The following LRP1B variants were observed in gnomAD, a reference collection of about 807,000 sequenced individuals.
The protein encoded by LRP1B is LDL receptor related protein 1B, also known as low-density lipoprotein receptor-related protein 1B.
Under a neutral mutation model 556.6 loss-of-function variants are expected in LRP1B, and 217 were observed. The ratio of observed to expected loss-of-function variants is 0.39; its 90% CI spans 0.35 to 0.44. LRP1B has a LOEUF of 0.44. Among genes scored for constraint, LRP1B ranks in the 20% least tolerant of loss-of-function variants. The pLI, the probability that LRP1B is intolerant of heterozygous loss-of-function variation, is 1.00. For missense variants in LRP1B, 5,053 were observed against 5,620.8 expected (o/e 0.90, Z 3.23); for synonymous variants, 2,047 against 1,865.8 (o/e 1.10, Z -2.50).
intron 7 of LRP1B, among the ~76,000 whole-genome samples, chr2:141,072,416 A>C (rs1486501474): frequency 6.6e-6 from 1 of 152,058 alleles, no homozygotes; most frequent in African/African-American, 2.4e-5. Context: ...AATTAATCCA[A>C]AACTTTATTC....
intron 6 of LRP1B, among the ~76,000 whole-genome samples, chr2:141,209,717 T>A (rs1390292597): frequency 6.6e-6 from 1 of 152,036 alleles, no homozygotes; most frequent in Non-Finnish European, 1.5e-5. Flanking sequence ...TATAAAAGGA[T>A]GAAGGTACAT....
intron 32 of LRP1B, among the ~76,000 whole-genome samples, chr2:140,795,893 T>A (rs931381477): frequency 6.6e-6 from 1 of 152,126 alleles, no homozygotes; most frequent in Non-Finnish European, 1.5e-5. Flanking sequence ...TTTATTCTTA[T>A]ATTCTTACTC....
At chr2:141,019,821 A>G in intron 12 of LRP1B, 101 bp downstream of exon 12, 1 of 846,318 alleles carries the variant, frequency 1.2e-6, no homozygotes, top group Non-Finnish European at 1.7e-6. Context: ...GTGGAAAATC[A>G]GCTATACATA....
intron 7 of LRP1B, among the ~76,000 whole-genome samples, chr2:141,114,805 C>T (rs916635214): frequency 3.9e-5 from 6 of 151,958 alleles, no homozygotes; most frequent in Middle Eastern, 3.4e-3. Context: ...GAGGAAAATT[C>T]GTAATTAAGT....
chr2:140,827,522 G>A (rs909164761), intron 31 of LRP1B, among the ~76,000 whole-genome samples: 33 of 151,622 alleles, frequency 2.2e-4, no homozygotes, highest in African/African-American at 7.5e-4. Context: ...TCAAGCAGAA[G>A]AAAATAAGTA....
chr2:140,695,876 G>A (rs1002805299), intron 41 of LRP1B, among the ~76,000 whole-genome samples: 1 of 152,072 alleles, frequency 6.6e-6, no homozygotes, highest in Non-Finnish European at 1.5e-5. Flanking sequence ...GTATTTTATG[G>A]CTATTGTCAT....
intron 29 of LRP1B, among the ~76,000 whole-genome samples, chr2:140,844,033 T>C (rs1055069175): frequency 1.6e-4 from 25 of 152,122 alleles, no homozygotes; most frequent in African/African-American, 5.6e-4. Context: ...GAGTATGTAT[T>C]TAAATACGTA....
At chr2:141,051,673 G>C (rs1048963957) in intron 10 of LRP1B, among the ~76,000 whole-genome samples, 2 of 152,060 alleles carry the variant, frequency 1.3e-5, no homozygotes, top group Non-Finnish European at 2.9e-5. Context: ...CCGATATCTT[G>C]ATTGTTGTGT....
intron 7 of LRP1B, among the ~76,000 whole-genome samples, chr2:141,092,969 A>G (rs1300987805): frequency 6.6e-6 from 1 of 152,134 alleles, no homozygotes; most frequent in African/African-American, 2.4e-5. Context: ...TAGTCTGTGT[A>G]ATGAATATTT....
intron 2 of LRP1B, among the ~76,000 whole-genome samples, chr2:141,698,116 T>G (rs553376407): frequency 6.6e-6 from 1 of 152,018 alleles, no homozygotes; most frequent in African/African-American, 2.4e-5. Flanking sequence ...GCATTCTTAC[T>G]TTGTGCTTAC....
intron 2 of LRP1B, among the ~76,000 whole-genome samples, chr2:141,657,533 G>T (rs1690057904): frequency 6.6e-6 from 1 of 152,092 alleles, no homozygotes; most frequent in Non-Finnish European, 1.5e-5. Context: ...CCTCTGTTGA[G>T]TTCACACTAT....
At chr2:141,371,872 C>T (rs1202421014) in intron 3 of LRP1B, among the ~76,000 whole-genome samples, 6 of 151,654 alleles carry the variant, frequency 4.0e-5, no homozygotes, top group African/African-American at 1.5e-4. Context: ...TTTCTCTTGC[C>T]CAATTGCCCT....
intron 41 of LRP1B, among the ~76,000 whole-genome samples, chr2:140,614,529 A>C (rs1353642525): frequency 1.3e-5 from 2 of 152,152 alleles, no homozygotes; most frequent in Admixed American, 1.3e-4. Context: ...TATTCTAAAC[A>C]AATATTTTTT....
At chr2:141,350,612 A>G (rs1688409978) in intron 3 of LRP1B, among the ~76,000 whole-genome samples, 1 of 152,118 alleles carries the variant, frequency 6.6e-6, no homozygotes, top group African/African-American at 2.4e-5. Context: ...CTACAATTTA[A>G]ACATTAAATC....
chr2:140,817,077 A>T (rs551018657), intron 31 of LRP1B, among the ~76,000 whole-genome samples: 3 of 152,252 alleles, frequency 2.0e-5, no homozygotes, highest in African/African-American at 7.2e-5. Flanking sequence ...AAACAGTCAA[A>T]TGTGAGCATA....
chr2:140,418,826 C>T (rs921909043), intron 66 of LRP1B, among the ~76,000 whole-genome samples: 8 of 151,966 alleles, frequency 5.3e-5, no homozygotes, highest in Non-Finnish European at 7.4e-5. Context: ...ATCCCAAAAC[C>T]ATACCCCTCC....
chr2:140,253,061 G>T (rs1355811691), intron 86 of LRP1B, among the ~76,000 whole-genome samples: 1 of 151,938 alleles, frequency 6.6e-6, no homozygotes, highest in Non-Finnish European at 1.5e-5. Context: ...GAATAGCTAG[G>T]TGTTACTTTG....
chr2:140,558,663 G>A (rs1403933404), intron 43 of LRP1B, among the ~76,000 whole-genome samples: 1 of 152,166 alleles, frequency 6.6e-6, no homozygotes, highest in African/African-American at 2.4e-5. Context: ...TTTAGGATGG[G>A]TGCAGTGCTT....
At chr2:141,467,100 G>GTATATATATATATATATATATATATATA (rs1682243955) in intron 3 of LRP1B, among the ~76,000 whole-genome samples, 1 of 108,604 alleles carries the variant, frequency 9.2e-6, no homozygotes, top group African/African-American at 4.2e-5. Context: ...ACATATATAT[G>GTATATATATATATATATATATATATATA]TGTATATATA....
Sources: allele counts gnomAD v4.1 joint callset (sites outside exome capture counted in the v4.1 genomes callset), GRCh38; gene constraint gnomAD v4.1.1; transcripts MANE v1.5; gene names NCBI Gene and HGNC (gene_info 2026-07-23, HGNC 2026-07-21).